Variants in ARFGEF1 observed in about 807,000 individuals in gnomAD.
ARFGEF1 encodes brefeldin A-inhibited guanine nucleotide-exchange protein 1.
A neutral mutation model predicts 231.0 loss-of-function variants in ARFGEF1; 42 were observed. That is an observed-to-expected ratio of 0.18 (90% CI 0.14 to 0.24). ARFGEF1 has a LOEUF of 0.24. Ranked by LOEUF, ARFGEF1 falls within the 10% of genes least tolerant of loss-of-function variation. ARFGEF1 has a pLI of 1.00. For synonymous variants in ARFGEF1, 710 were observed against 732.3 expected (o/e 0.97, Z 0.49); for missense variants, 1,345 against 2,192.0 (o/e 0.61, Z 7.72).
At chr8:67,213,445 A>AT (rs1838819640) in intron 33 of ARFGEF1, among the ~76,000 whole-genome samples, 1 of 152,218 alleles carries the variant, frequency 6.6e-6, no homozygotes, top group Admixed American at 6.5e-5. Flanking sequence ...GGGTAGCAAG[A>AT]TAAAAAGAGG....
rs190276245 is a variant in ARFGEF1 at position 67,256,614 on chromosome 8, C to T, written c.2526+1118G>A. Among the ~76,000 whole-genome samples, 384 of 152,182 alleles carry T rather than the reference C, an allele frequency of 2.5e-3. 2 individuals are homozygous for T. Among genetic ancestry groups the T allele is most frequent in the Middle Eastern group, 0.014 (4 of 292 alleles). On this transcript the variant is annotated intron_variant, in intron 17 of 38. Transcript: ENST00000262215. ...TAAGCATAACAAATATCATCAGATA[C>T]CTACCCCTAGAAGTACTAAGAAATC...
At chr8:67,213,894 T>A (rs1268070360) in intron 33 of ARFGEF1, among the ~76,000 whole-genome samples, 2 of 152,240 alleles carry the variant, frequency 1.3e-5, no homozygotes, top group Non-Finnish European at 2.9e-5. Flanking sequence ...TCCTTAAATC[T>A]ATCTATACAA....
chr8:67,268,909 T>A (rs1804956926), intron 10 of ARFGEF1, among the ~76,000 whole-genome samples: 1 of 152,106 alleles, frequency 6.6e-6, no homozygotes, highest in Non-Finnish European at 1.5e-5. Context: ...GACTTGTGAA[T>A]CAAAAACTTT....
intron 5 of ARFGEF1, 140 bp downstream of exon 5, chr8:67,296,290 CA>C (rs1488077110): frequency 1.2e-6 from 1 of 808,102 alleles, no homozygotes; most frequent in Non-Finnish European, 1.9e-6. Context: ...CACAATCCCA[CA>C]AATCTCCAGT....
Position 67,240,210 on chromosome 8 carries a change from C to T in ARFGEF1, c.2931G>A (p.Leu977=). ...TTCTGATTGCACATCTTATACCTTC[C>T]AGGCAAAGAGAGGCTACTTCAGTAT... ...CDDTEVASLC[L]EGIRCAIRIA... Residue 977 remains leucine (L), a synonymous_variant, in exon 20 of 39, where the codon CTG becomes CTA. Coordinates refer to ENST00000262215, the MANE Select transcript of ARFGEF1 (RefSeq NM_006421.5). The T allele has an allele frequency of 1.9e-6, 3 of 1,612,798 alleles. No individual in the cohort carries two copies. Among genetic ancestry groups the T allele is most frequent in the Non-Finnish European group, 2.5e-6 (3 of 1,179,622 alleles).
In ARFGEF1 at chr8:67,265,860, G is replaced by C. The variant is rs1430382600; in HGVS notation, c.2123+146C>G. 7.1e-6 allele frequency: 5 copies of C among 700,540 alleles called. No individual in the cohort carries two copies. The East Asian group carries it at 8.1e-5, about 11-fold the overall frequency. 43.4% of individuals were successfully genotyped at this position (700,540 alleles called of 1,614,324 possible). A position where few individuals can be genotyped will look rare whatever the true frequency, so the allele number is the denominator to read the frequency against. On this transcript the variant is annotated intron_variant, in intron 14 of 38. Coordinates refer to ENST00000262215, the MANE Select transcript of ARFGEF1 (RefSeq NM_006421.5). ...GTTGGGCTAGACTGCAATGAACAAG[G>C]GGGGCTGAATAGGAGCCTCGTGAAT...
chr8:67,311,351 G>A (rs376370559), intron 1 of ARFGEF1, among the ~76,000 whole-genome samples: 5 of 119,788 alleles, frequency 4.2e-5, no homozygotes, highest in Admixed American at 8.1e-5. Flanking sequence ...GCCTCTGCCC[G>A]GCCGCCCCTA....
In ARFGEF1 at chr8:67,334,801, C is replaced by G. The variant is rs180914717; in HGVS notation, c.124+8363G>C. On this transcript the variant is annotated intron_variant, in intron 1 of 38. Transcript: ENST00000262215. ...CATACTGAAAGAAACCAGACACTAA[C>G]GACCACCTGTGTATAACTGCATTTC... Among the ~76,000 whole-genome samples the G allele has an allele frequency of 8.8e-4, 134 of 152,230 alleles. 1 individual carries two copies. The highest frequency in any genetic ancestry group is 3.1e-3 in the African/African-American group (129 of 41,542).
intron 5 of ARFGEF1, among the ~76,000 whole-genome samples, chr8:67,295,266 G>A (rs948707534): frequency 3.9e-5 from 6 of 152,138 alleles, no homozygotes; most frequent in African/African-American, 1.4e-4. Flanking sequence ...AGGATCTGAA[G>A]AGAAACAGTA....
chr8:67,227,596 A>G lies in ARFGEF1; in HGVS notation c.3594T>C (p.Val1198=). The G allele has an allele frequency of 6.2e-7, 1 of 1,611,908 alleles. No homozygotes were observed. The highest frequency in any genetic ancestry group is 8.5e-7 in the Non-Finnish European group (1 of 1,178,668). Residue 1198 remains valine (V), a splice_region_variant and synonymous_variant, in exon 26 of 39, where the codon GTT becomes GTC. Transcript: ENST00000262215. The stretch of plus-strand genomic sequence containing the variant: ...CTACATCTTCATTAGGATTACACCC[A>G]ACCTGTAATGGCGACAGAAATAAAC... ...WEVIGDHFNK[V]GCNPNEDVAI... is the part of the protein sequence containing the mutation.
chr8:67,311,549 G>A lies in ARFGEF1; in HGVS notation c.125-9083C>T, dbSNP rs1275286162. On this transcript the variant is annotated intron_variant, in intron 1 of 38. Transcript: ENST00000262215. ...AGCCCCCTGCCTGGCCAGCCGCCCAGTCTGGGAGGGAGATGGGGGGGTCAG... is the reference window on the plus strand; with the variant it reads ...AGCCCCCTGCCTGGCCAGCCGCCCAATCTGGGAGGGAGATGGGGGGGTCAG... 4.9e-5 allele frequency among the ~76,000 whole-genome samples: 7 copies of A among 142,410 alleles called. No individual in the cohort carries two copies. In the South Asian group the frequency reaches 6.8e-4, roughly 14 times the overall value. The allele number at this position is 142,410 out of a possible 152,430, so 93.4% of individuals were successfully genotyped here.
chr8:67,329,923 T>C (rs919211220), intron 1 of ARFGEF1, among the ~76,000 whole-genome samples: 6 of 151,996 alleles, frequency 3.9e-5, no homozygotes, highest in Non-Finnish European at 5.9e-5. Context: ...GAGACTGAAT[T>C]GGTAGAAACC....
intron 29 of ARFGEF1, among the ~76,000 whole-genome samples, chr8:67,223,137 T>A (rs1240007319): frequency 6.6e-6 from 1 of 152,204 alleles, no homozygotes; most frequent in Non-Finnish European, 1.5e-5. Flanking sequence ...ATCTAGAGAA[T>A]TTTGGAAGAA....
intron 6 of ARFGEF1, among the ~76,000 whole-genome samples, chr8:67,290,657 A>G (rs936866355): frequency 5.9e-5 from 9 of 152,214 alleles, no homozygotes; most frequent in Non-Finnish European, 1.2e-4. Flanking sequence ...GCATAGATAT[A>G]TAAACAAAAA....
rs146219526 is a variant in ARFGEF1 at position 67,319,101 on chromosome 8, T to C, written c.125-16635A>G. Reference sequence around the variant, plus strand: ...AAAAGATCAAAGAACTAAAAAACAATAAATATATCAAGTTCATTGACTGAA... The same window carrying C: ...AAAAGATCAAAGAACTAAAAAACAACAAATATATCAAGTTCATTGACTGAA... On this transcript the variant is annotated intron_variant, in intron 1 of 38. Coordinates refer to ENST00000262215, the MANE Select transcript of ARFGEF1 (RefSeq NM_006421.5). Among the ~76,000 whole-genome samples the C allele has an allele frequency of 2.7e-4, 41 of 152,112 alleles. No homozygotes were observed. The East Asian group carries it at 7.5e-3, about 28-fold the overall frequency.
In ARFGEF1 at chr8:67,294,400, G is replaced by A. The variant is rs527391771; in HGVS notation, c.639+2031C>T. On this transcript the variant is annotated intron_variant, in intron 5 of 38. Coordinates refer to ENST00000262215, the MANE Select transcript of ARFGEF1 (RefSeq NM_006421.5). ...GAATAGCATTACCCTATTGCAGAGT[G>A]TGGGGAAGAAAGGAACTAATCTAAG... Among the ~76,000 whole-genome samples, 21 of 152,274 alleles carry A rather than the reference G, an allele frequency of 1.4e-4. No homozygotes were observed. The South Asian group carries it at 4.1e-3, about 30-fold the overall frequency.
intron 7 of ARFGEF1, among the ~76,000 whole-genome samples, chr8:67,280,868 A>G (rs1351486423): frequency 1.3e-5 from 2 of 152,232 alleles, no homozygotes; most frequent in African/African-American, 2.4e-5. Flanking sequence ...TTCTACAAAT[A>G]GGCAAAAACA....
intron 34 of ARFGEF1, among the ~76,000 whole-genome samples, chr8:67,210,252 T>C (rs144572384): frequency 0.017 from 2,447 of 142,548 alleles, 71 homozygotes; most frequent in African/African-American, 0.062. Flanking sequence ...CTGAGGTGGG[T>C]GGATGGCCTG....
intron 23 of ARFGEF1, among the ~76,000 whole-genome samples, chr8:67,231,588 T>C (rs1304960165): frequency 6.6e-6 from 1 of 152,022 alleles, no homozygotes; most frequent in Admixed American, 6.6e-5. Context: ...CTGAATAGAT[T>C]CTCAAAATGA....
Sources: gnomAD v4.1 joint callset for allele counts (sites outside exome capture counted in the v4.1 genomes callset) on GRCh38, gnomAD v4.1.1 for gene constraint, MANE v1.5 for transcripts, NCBI Gene and HGNC (gene_info 2026-07-23, HGNC 2026-07-21) for gene names.